The following SETD9 variants were observed in gnomAD, a reference collection of about 807,000 sequenced individuals.
The protein encoded by SETD9 is SET domain containing 9.
Under a neutral mutation model 36.4 loss-of-function variants are expected in SETD9, and 37 were observed. The ratio of observed to expected loss-of-function variants is 1.02; its 90% confidence interval spans 0.78 to 1.34. SETD9 has a LOEUF of 1.34. Ranked by LOEUF, SETD9 falls within the 40% of genes most tolerant of loss-of-function variation. SETD9 has a pLI of 0.00. For synonymous variants in SETD9, 128 were observed against 132.9 expected (o/e 0.96, Z 0.26); for missense variants, 323 against 353.2 (o/e 0.91, Z 0.69).
downstream of SETD9, chr5:56,919,647 A>G (rs1191681054): frequency 6.5e-6 from 1 of 152,676 alleles, no homozygotes; most frequent in African/African-American, 2.4e-5. Flanking sequence ...ACCAGGTATT[A>G]AAGTACAACA....
intron 2 of SETD9, chr5:56,912,251 C>CT (rs1262110364): frequency 2.0e-6 from 2 of 984,754 alleles, no homozygotes; most frequent in Non-Finnish European, 2.4e-6. Flanking sequence ...CCTTTCTACA[C>CT]TTGGAAAGTA....
upstream of SETD9, chr5:56,909,400 G>C (rs773208068): frequency 2.5e-6 from 1 of 401,390 alleles, no homozygotes; most frequent in African/African-American, 2.1e-5. Context: ...CGAGCGACCG[G>C]AGAAAGAAAA....
downstream of SETD9, chr5:56,921,698 C>A (rs544481346): frequency 6.5e-6 from 1 of 152,732 alleles, no homozygotes; most frequent in South Asian, 2.1e-4. Flanking sequence ...CTTATACTTA[C>A]AAATATTAGC....
chr5:56,909,551 C>G, upstream of SETD9: 1 of 930,848 alleles, frequency 1.1e-6, no homozygotes. Flanking sequence ...GGGAAGGCGG[C>G]CGAGCGCGGC....
intron 2 of SETD9, 40 bp downstream of exon 2, chr5:56,911,576 A>G (rs1418467053): frequency 6.7e-7 from 1 of 1,483,046 alleles, no homozygotes; most frequent in Non-Finnish European, 8.9e-7. Context: ...CAAGCTTCTT[A>G]CGTATTGATA....
At chr5:56,924,137 G>T in intron 5 of SETD9, 1 of 1,235,956 alleles carries the variant, frequency 8.1e-7, no homozygotes, top group Non-Finnish European at 1.1e-6. Flanking sequence ...CAATCCATGG[G>T]TCTTATTTTC....
At chr5:56,921,648 C>T (rs1044118130), downstream of SETD9, 1 of 152,620 alleles carries the variant, frequency 6.6e-6, no homozygotes, top group Non-Finnish European at 1.5e-5. Context: ...CTACTAAGAT[C>T]ACTACATCCT....
chr5:56,928,651 A>T (rs1045290694), downstream of SETD9: 35 of 504,992 alleles, frequency 6.9e-5, no homozygotes, highest in African/African-American at 9.7e-4. Flanking sequence ...TGATATCTGA[A>T]ATGCTATAAG....
upstream of SETD9, chr5:56,909,497 CA>C: frequency 7.1e-6 from 4 of 562,734 alleles, no homozygotes; most frequent in East Asian, 1.3e-4. Context: ...AGCCCCAGAG[CA>C]ACAGAAGTCA....
downstream of SETD9, among the ~76,000 whole-genome samples, chr5:56,919,126 C>CT (rs34426416): frequency 0.56 from 74,398 of 132,266 alleles, 22,272 homozygotes; most frequent in Non-Finnish European, 0.61. Context: ...TTTGGGACTT[C>CT]TTTTTTTTTT....
intron 1 of SETD9, chr5:56,910,081 G>A: frequency 3.2e-6 from 4 of 1,259,608 alleles, no homozygotes; most frequent in Middle Eastern, 3.3e-4. Context: ...CTCGCCAGCC[G>A]GATGTGTCGC....
chr5:56,928,371 T>A (rs532536569), downstream of SETD9: 1 of 153,794 alleles, frequency 6.5e-6, no homozygotes, highest in African/African-American at 2.4e-5. Flanking sequence ...TTTGGTGGTG[T>A]TAGAATATGT....
Position 56,914,891 on chromosome 5 carries a change from T to C in SETD9, c.737T>C (p.Phe246Ser), listed in dbSNP as rs1282762532. 1.9e-6 allele frequency: 3 copies of C among 1,601,258 alleles called. No homozygotes were observed. The highest frequency in any genetic ancestry group is 2.7e-5 in the African/African-American group (2 of 74,796). Reference sequence around the variant, plus strand: ...GCAGCTAATGTCTGTTATCAGGAATTTGATGTGCCTGCAGTTTTCCCTATA... The same window carrying C: ...GCAGCTAATGTCTGTTATCAGGAATCTGATGTGCCTGCAGTTTTCCCTATA... Reference protein sequence around the residue: ...DRAANVCYQEFDVPAVFPIEL... With the variant: ...DRAANVCYQESDVPAVFPIEL... Residue 246 changes from phenylalanine to serine, a missense_variant, in exon 5 of 6, where the codon TTT becomes TCT. Physicochemically the swap from Phe to Ser is radical, Grantham distance 155 (BLOSUM62 -2). Transcript: ENST00000285947.
At chr5:56,916,109 C>T (rs1398180103) in intron 5 of SETD9, among the ~76,000 whole-genome samples, 3 of 151,930 alleles carry the variant, frequency 2.0e-5, no homozygotes, top group Non-Finnish European at 4.4e-5. Context: ...GTAACAATAT[C>T]TAGGCTGGGT....
At chr5:56,917,356 G>A (rs1026816274), downstream of SETD9, 10 of 972,118 alleles carry the variant, frequency 1.0e-5, no homozygotes, top group African/African-American at 1.2e-4. Context: ...AAATTGGTGT[G>A]TCTATGTATA....
downstream of SETD9, among the ~76,000 whole-genome samples, chr5:56,919,407 C>T (rs2112045189): frequency 6.6e-6 from 1 of 152,006 alleles, no homozygotes; most frequent in East Asian, 1.9e-4. Flanking sequence ...TACAGGGGGA[C>T]TTTTATTATA....
At chr5:56,913,476 C>T (rs763800340) in intron 3 of SETD9, among the ~76,000 whole-genome samples, 28 of 151,946 alleles carry the variant, frequency 1.8e-4, no homozygotes, top group South Asian at 6.3e-4. Flanking sequence ...CTCTGCCTCC[C>T]GGGTTCAAGT....
intron 1 of SETD9, chr5:56,910,334 G>A (rs1339965394): frequency 1.5e-6 from 2 of 1,304,282 alleles, no homozygotes; most frequent in Admixed American, 2.3e-5. Flanking sequence ...AGTAGCTCGC[G>A]CGTTAAGAAC....
At chr5:56,910,363 A>G in intron 1 of SETD9, 2 of 1,304,172 alleles carry the variant, frequency 1.5e-6, no homozygotes, top group Non-Finnish European at 2.0e-6. Flanking sequence ...CGCCACTCAA[A>G]AGCACGTCGG....
Sources: allele counts gnomAD v4.1 joint callset (sites outside exome capture counted in the v4.1 genomes callset), GRCh38; gene constraint gnomAD v4.1.1; transcripts MANE v1.5; gene names NCBI Gene and HGNC (gene_info 2026-07-23, HGNC 2026-07-21).